Variants in INPP4B observed in about 807,000 individuals in gnomAD.
INPP4B encodes the protein inositol polyphosphate-4-phosphatase type II B, also known as inositol polyphosphate 4-phosphatase type II.
In INPP4B, 55 loss-of-function variants were observed where a neutral mutation model predicts 122.5. The observed-to-expected ratio is 0.45, with a 90% CI of 0.36 to 0.56. The LOEUF (loss-of-function observed/expected upper bound fraction) is 0.56. Among genes scored for constraint, INPP4B ranks in the 20% least tolerant of loss-of-function variants. The pLI is 0.00. For synonymous variants in INPP4B, 403 were observed against 388.7 expected (o/e 1.04, Z -0.43); for missense variants, 1,000 against 1,097.7 (o/e 0.91, Z 1.26).
chr4:142,077,641 G>T (rs1329323340), intron 25 of INPP4B, among the ~76,000 whole-genome samples: 1 of 151,556 alleles, frequency 6.6e-6, no homozygotes, highest in African/African-American at 2.4e-5. Flanking sequence ...AGCATTCCAT[G>T]GAGAGTCCAA....
chr4:142,635,242 A>G (rs182515561), intron 2 of INPP4B, among the ~76,000 whole-genome samples: 1 of 152,278 alleles, frequency 6.6e-6, no homozygotes, highest in East Asian at 1.9e-4. Flanking sequence ...AAAAGGGAAC[A>G]CTTATACACT....
intron 2 of INPP4B, among the ~76,000 whole-genome samples, chr4:142,706,316 G>A (rs1762465084): frequency 6.6e-6 from 1 of 152,172 alleles, no homozygotes; most frequent in African/African-American, 2.4e-5. Flanking sequence ...TTTAAACTCT[G>A]TGAGAGAGTG....
At chr4:142,631,031 A>T (rs558657195) in intron 2 of INPP4B, among the ~76,000 whole-genome samples, 5 of 152,128 alleles carry the variant, frequency 3.3e-5, no homozygotes, top group Non-Finnish European at 7.4e-5. Context: ...GACTCAAATT[A>T]TTTCTCCAAT....
chr4:142,191,145 A>G (rs1182727731), intron 15 of INPP4B, among the ~76,000 whole-genome samples: 1 of 152,188 alleles, frequency 6.6e-6, no homozygotes, highest in Non-Finnish European at 1.5e-5. Flanking sequence ...TATGTCACCT[A>G]TCAAAAGACT....
intron 1 of INPP4B, among the ~76,000 whole-genome samples, chr4:142,822,342 G>A (rs533965270): frequency 1.3e-4 from 20 of 152,268 alleles, no homozygotes; most frequent in African/African-American, 4.3e-4. Flanking sequence ...CTTACACACT[G>A]TGCCTTAAAG....
At chr4:142,702,772 T>TG (rs1459233018) in intron 2 of INPP4B, among the ~76,000 whole-genome samples, 1 of 151,026 alleles carries the variant, frequency 6.6e-6, no homozygotes, top group Non-Finnish European at 1.5e-5. Flanking sequence ...GAATTTACTT[T>TG]GGGTTCACAA....
intron 2 of INPP4B, among the ~76,000 whole-genome samples, chr4:142,694,514 C>T (rs985779627): frequency 6.6e-5 from 10 of 151,940 alleles, no homozygotes; most frequent in African/African-American, 2.2e-4. Context: ...CCAAATTAGA[C>T]ATTTGGTCAA....
intron 11 of INPP4B, among the ~76,000 whole-genome samples, chr4:142,248,336 C>CTTTATT (rs1730036194): frequency 9.4e-6 from 1 of 106,384 alleles, no homozygotes; most frequent in Non-Finnish European, 1.7e-5. Context: ...CTCTCTCTCT[C>CTTTATT]TTTTTTTTTT....
chr4:142,307,806 A>G (rs962704940), intron 8 of INPP4B, among the ~76,000 whole-genome samples: 3 of 152,202 alleles, frequency 2.0e-5, no homozygotes, highest in Non-Finnish European at 4.4e-5. Context: ...TGAAACTCCA[A>G]AATTGCAAAT....
chr4:142,146,200 A>C (rs1253403606), intron 17 of INPP4B, among the ~76,000 whole-genome samples: 1 of 152,150 alleles, frequency 6.6e-6, no homozygotes, highest in Admixed American at 6.5e-5. Context: ...AAGTATTATA[A>C]ACCTTTTTAT....
intron 2 of INPP4B, among the ~76,000 whole-genome samples, chr4:142,525,982 T>C (rs1182520784): frequency 2.0e-5 from 3 of 152,144 alleles, no homozygotes; most frequent in Non-Finnish European, 4.4e-5. Context: ...ATTTCTGCTT[T>C]TAGCTTTAAG....
chr4:142,144,913 CTCTT>C (rs1035401066), intron 18 of INPP4B, among the ~76,000 whole-genome samples: 2 of 151,814 alleles, frequency 1.3e-5, no homozygotes, highest in Admixed American at 6.6e-5. Context: ...TTTCTTATGA[CTCTT>C]TTTTTTTAAA....
intron 22 of INPP4B, among the ~76,000 whole-genome samples, chr4:142,111,380 C>T (rs947497330): frequency 1.3e-5 from 2 of 151,982 alleles, no homozygotes; most frequent in Non-Finnish European, 2.9e-5. Flanking sequence ...GAGTTTTGCT[C>T]GTATCACCCA....
chr4:142,254,530 C>T (rs564837554), intron 11 of INPP4B, among the ~76,000 whole-genome samples: 2 of 152,176 alleles, frequency 1.3e-5, no homozygotes, highest in East Asian at 3.9e-4. Context: ...GAGCTGAAAG[C>T]CAAGGCTCGA....
chr4:142,825,032 C>G (rs55920161), intron 1 of INPP4B, among the ~76,000 whole-genome samples: 3,215 of 151,928 alleles, frequency 0.021, 108 homozygotes, highest in African/African-American at 0.073. Context: ...AGCACTGCAT[C>G]CTTGGATTTG....
rs190353619 is a variant in INPP4B, at chr4:142,068,087, T to C, written c.2642+13944A>G. ...AGTTAAGGGCAGCCAGAGAGAAAGG[T>C]TGGGTTACCCATAAAGGTAAGCCCA... On this transcript the variant is annotated intron_variant, in intron 25 of 25. Coordinates refer to ENST00000262992, the MANE Select transcript of INPP4B (RefSeq NM_001101669.3). Among the ~76,000 whole-genome samples, 545 of 152,232 alleles carry C rather than the reference T, an allele frequency of 3.6e-3. 3 individuals carry two copies. The highest frequency in any genetic ancestry group is 0.012 in the African/African-American group (514 of 41,534).
intron 1 of INPP4B, among the ~76,000 whole-genome samples, chr4:142,837,569 T>A (rs28667040): frequency 0.057 from 8,667 of 152,142 alleles, 277 homozygotes; most frequent in Middle Eastern, 0.13. Context: ...AATATAAAGG[T>A]TTTGCATGGT....
chr4:142,784,772 A>C (rs2151041543), intron 1 of INPP4B, among the ~76,000 whole-genome samples: 1 of 152,140 alleles, frequency 6.6e-6, no homozygotes, highest in Non-Finnish European at 1.5e-5. Flanking sequence ...GAGAAGAGTA[A>C]CCCTTTTACA....
intron 18 of INPP4B, among the ~76,000 whole-genome samples, chr4:142,130,185 T>C (rs1373543005): frequency 6.6e-6 from 1 of 152,190 alleles, no homozygotes; most frequent in African/African-American, 2.4e-5. Flanking sequence ...CAGGGAAGTC[T>C]GCCTGGACTG....
Sources: allele counts gnomAD v4.1 joint callset (sites outside exome capture counted in the v4.1 genomes callset), GRCh38; gene constraint gnomAD v4.1.1; transcripts MANE v1.5; gene names NCBI Gene and HGNC (gene_info 2026-07-23, HGNC 2026-07-21).